BMP6: variants seen among roughly 807,000 people sequenced by gnomAD.
BMP6 encodes the protein VG-1-R.
BMP6 carries 17 observed loss-of-function variants against 54.1 expected under a neutral mutation model. That is an observed-to-expected ratio of 0.31 (90% confidence interval 0.22 to 0.47). The LOEUF is 0.47. Ranked by LOEUF, BMP6 falls within the 20% of genes least tolerant of loss-of-function variation. The pLI, the probability that BMP6 is intolerant of heterozygous loss-of-function variation, is 1.00. For synonymous variants in BMP6, 328 were observed against 291.2 expected (o/e 1.13, Z -1.28); for missense variants, 720 against 690.4 (o/e 1.04, Z -0.48).
chr6:7,733,964 CT>C (rs11358726), intron 1 of BMP6, among the ~76,000 whole-genome samples: 8,188 of 152,264 alleles, frequency 0.054, 755 homozygotes, highest in African/African-American at 0.19. Flanking sequence ...TGCATTCCCC[CT>C]GTTCACCTTT....
chr6:7,825,784 C>T (rs73365722), intron 1 of BMP6, among the ~76,000 whole-genome samples: 3,506 of 152,062 alleles, frequency 0.023, 146 homozygotes, highest in African/African-American at 0.078. Context: ...AGTGTTTCCC[C>T]AAGTTGTCAT....
chr6:7,803,899 A>AT (rs1450088153), intron 1 of BMP6, among the ~76,000 whole-genome samples: 1 of 152,130 alleles, frequency 6.6e-6, no homozygotes, highest in East Asian at 1.9e-4. Flanking sequence ...ATGGTAATTA[A>AT]TTTTTACCAG....
chr6:7,730,317 A>G (rs1581223122), intron 1 of BMP6, among the ~76,000 whole-genome samples: 2 of 152,306 alleles, frequency 1.3e-5, no homozygotes, highest in East Asian at 3.9e-4. Context: ...AAGATCTAAA[A>G]AAATCCCCTA....
intron 1 of BMP6, among the ~76,000 whole-genome samples, chr6:7,834,639 G>A (rs1758845625): frequency 1.3e-5 from 2 of 151,706 alleles, no homozygotes; most frequent in African/African-American, 4.8e-5. Flanking sequence ...CCAGGAGTTC[G>A]AGACCAGCCT....
chr6:7,836,797 T>C (rs956323951), intron 1 of BMP6, among the ~76,000 whole-genome samples: 1 of 152,194 alleles, frequency 6.6e-6, no homozygotes, highest in Non-Finnish European at 1.5e-5. Flanking sequence ...CAAAAGTGAA[T>C]TGGAAAGTTT....
chr6:7,753,158 A>C (rs1757451884), intron 1 of BMP6, among the ~76,000 whole-genome samples: 1 of 152,232 alleles, frequency 6.6e-6, no homozygotes, highest in Non-Finnish European at 1.5e-5. Context: ...GCTAGCCCTG[A>C]CCTCAATCAA....
chr6:7,738,096 T>C (rs1761989202), intron 1 of BMP6, among the ~76,000 whole-genome samples: 1 of 152,210 alleles, frequency 6.6e-6, no homozygotes, highest in Non-Finnish European at 1.5e-5. Flanking sequence ...TTTTCCAAAA[T>C]GTTCTGCAAG....
At chr6:7,778,204 G>A (rs1757890175) in intron 1 of BMP6, among the ~76,000 whole-genome samples, 1 of 152,194 alleles carries the variant, frequency 6.6e-6, no homozygotes, top group South Asian at 2.1e-4. Flanking sequence ...TCTCAAAGCA[G>A]TGGGTGTACA....
rs1450332785 is a variant in BMP6, at chr6:7,827,090, T to C, written c.665-18050T>C. Among the ~76,000 whole-genome samples the C allele has an allele frequency of 3.3e-5, 5 of 152,176 alleles. 1 individual carries two copies. The highest frequency in any genetic ancestry group is 7.3e-5 in the Non-Finnish European group (5 of 68,032). ...CGTATCTACAGCTTTCTTCACTTTT[T>C]CCCCAACCTGCGGAAAGGCCTTTTT... On this transcript the variant is annotated intron_variant, in intron 1 of 6. Coordinates refer to ENST00000283147, the MANE Select transcript of BMP6 (RefSeq NM_001718.6).
intron 1 of BMP6, among the ~76,000 whole-genome samples, chr6:7,751,516 C>T (rs1011905566): frequency 2.6e-5 from 4 of 152,238 alleles, no homozygotes. Context: ...GCAGATATTT[C>T]AGAGTATATA....
chr6:7,769,016 T>C (rs1274829343), intron 1 of BMP6, among the ~76,000 whole-genome samples: 1 of 152,210 alleles, frequency 6.6e-6, no homozygotes, highest in Non-Finnish European at 1.5e-5. Flanking sequence ...ACAGCTTTAC[T>C]GACTAGATAC....
chr6:7,824,430 C>G (rs536067596), intron 1 of BMP6, among the ~76,000 whole-genome samples: 2 of 152,260 alleles, frequency 1.3e-5, no homozygotes, highest in South Asian at 4.2e-4. Flanking sequence ...GACCACAGAC[C>G]TTTACTGATC....
intron 1 of BMP6, among the ~76,000 whole-genome samples, chr6:7,757,779 T>C (rs1269360646): frequency 6.6e-6 from 1 of 152,220 alleles, no homozygotes; most frequent in African/African-American, 2.4e-5. Context: ...CTTTCATAAT[T>C]ATACAATGTA....
intron 1 of BMP6, among the ~76,000 whole-genome samples, chr6:7,822,213 T>A (rs1419775825): frequency 6.6e-6 from 1 of 152,126 alleles, no homozygotes; most frequent in Non-Finnish European, 1.5e-5. Flanking sequence ...AGAGATGGAG[T>A]TTCACCATGT....
At chr6:7,751,159 C>T (rs1561759559) in intron 1 of BMP6, among the ~76,000 whole-genome samples, 3 of 152,208 alleles carry the variant, frequency 2.0e-5, no homozygotes, top group African/African-American at 2.4e-5. Context: ...TAAAAATGAA[C>T]GTTTTACTAA....
chr6:7,769,164 A>G (rs1757744335), intron 1 of BMP6, among the ~76,000 whole-genome samples: 1 of 152,242 alleles, frequency 6.6e-6, no homozygotes, highest in African/African-American at 2.4e-5. Context: ...GGTAATTTCT[A>G]AATGAGACTG....
At chr6:7,812,972 G>GAAAA (rs67331565) in intron 1 of BMP6, among the ~76,000 whole-genome samples, 3 of 137,908 alleles carry the variant, frequency 2.2e-5, no homozygotes, top group African/African-American at 2.7e-5. Context: ...CAAAGGTGAG[G>GAAAA]AAAAAAAAAA....
chr6:7,786,348 T>C (rs962551892), intron 1 of BMP6, among the ~76,000 whole-genome samples: 5 of 152,194 alleles, frequency 3.3e-5, no homozygotes, highest in Non-Finnish European at 7.4e-5. Context: ...GTGTTGCTTA[T>C]GAAAGATGAG....
intron 1 of BMP6, among the ~76,000 whole-genome samples, chr6:7,781,220 T>C (rs749634135): frequency 5.3e-5 from 8 of 152,194 alleles, no homozygotes; most frequent in Non-Finnish European, 1.2e-4. Context: ...GCAAAATAAG[T>C]AGTATCGTTA....
Sources: gnomAD v4.1 joint callset for allele counts (sites outside exome capture counted in the v4.1 genomes callset) on GRCh38, gnomAD v4.1.1 for gene constraint, MANE v1.5 for transcripts, NCBI Gene and HGNC (gene_info 2026-07-23, HGNC 2026-07-21) for gene names.